Variants in CPED1 observed in about 807,000 individuals in gnomAD.
CPED1 encodes cadherin like and PC-esterase domain containing 1, also known as cadherin-like and PC-esterase domain-containing protein 1.
In CPED1, 114 loss-of-function variants were observed where a neutral mutation model predicts 128.2. The ratio of observed to expected loss-of-function variants is 0.89; its 90% CI spans 0.76 to 1.04. The LOEUF (loss-of-function observed/expected upper bound fraction) is 1.04, where lower values mean the gene tolerates loss of function less well. Ranked by LOEUF, CPED1 falls within the 50% of genes least tolerant of loss-of-function variation. The pLI, the probability that CPED1 is intolerant of heterozygous loss-of-function variation, is 0.00. For synonymous variants in CPED1, 462 were observed against 426.7 expected (o/e 1.08, Z -1.02); for missense variants, 1,211 against 1,207.1 (o/e 1.00, Z -0.05).
At chr7:121,223,863 G>A (rs1402931572) in intron 16 of CPED1, among the ~76,000 whole-genome samples, 1 of 150,010 alleles carries the variant, frequency 6.7e-6, no homozygotes, top group Non-Finnish European at 1.5e-5. Context: ...TTTTTTATTA[G>A]TCTTGCTAGC....
intron 22 of CPED1, among the ~76,000 whole-genome samples, chr7:121,272,978 A>T (rs891212647): frequency 2.0e-5 from 3 of 152,068 alleles, no homozygotes; most frequent in African/African-American, 7.2e-5. Context: ...TACTTTTGAA[A>T]GTCTTGTATA....
chr7:121,021,210 T>C (rs1792431190), intron 3 of CPED1, among the ~76,000 whole-genome samples: 1 of 151,954 alleles, frequency 6.6e-6, no homozygotes, highest in African/African-American at 2.4e-5. Flanking sequence ...ATATAGTTAA[T>C]AGAGCAAGAG....
rs780653938 is a variant in CPED1 at position 121,128,435 on chromosome 7, C to G, written c.1356C>G (p.Asn452Lys). Reference sequence around the variant, plus strand: ...AGTGTCTGTCCTTAGAAGAAATTAACTCAATTATGACTTTCATAAAGGAAC... The same window carrying G: ...AGTGTCTGTCCTTAGAAGAAATTAAGTCAATTATGACTTTCATAAAGGAAC... ...LNQCLSLEEI[N>K]SIMTFIKELG... Residue 452 changes from asparagine to lysine, a missense_variant, in exon 11 of 23, where the codon AAC becomes AAG. Asn to Lys is a moderately conservative substitution (Grantham distance 94). Transcript: ENST00000310396. The G allele has an allele frequency of 6.2e-7, 1 of 1,604,714 alleles. No homozygotes were observed. Among genetic ancestry groups the G allele is most frequent in the East Asian group, 2.2e-5 (1 of 44,756 alleles).
At chr7:121,223,991 T>A (rs186970376) in intron 16 of CPED1, among the ~76,000 whole-genome samples, 1 of 152,308 alleles carries the variant, frequency 6.6e-6, no homozygotes, top group East Asian at 1.9e-4. Context: ...TAGTTATTTC[T>A]TGCCTTCTGC....
At chr7:121,244,769 C>A (rs1798486317) in intron 18 of CPED1, among the ~76,000 whole-genome samples, 1 of 152,208 alleles carries the variant, frequency 6.6e-6, no homozygotes, top group Non-Finnish European at 1.5e-5. Flanking sequence ...AGACTCACTT[C>A]TAGAGCTTTC....
At chr7:121,110,611 T>A (rs1795086193) in intron 7 of CPED1, among the ~76,000 whole-genome samples, 1 of 152,072 alleles carries the variant, frequency 6.6e-6, no homozygotes, top group Non-Finnish European at 1.5e-5. Flanking sequence ...CCACTGACTG[T>A]GTAACATGTT....
chr7:121,234,022 A>T (rs1253440631), intron 16 of CPED1, among the ~76,000 whole-genome samples: 1 of 152,022 alleles, frequency 6.6e-6, no homozygotes, highest in Non-Finnish European at 1.5e-5. Context: ...GGAAAGGAAA[A>T]CTTTTCTAGA....
chr7:121,186,757 G>T (rs1020457646), intron 16 of CPED1, among the ~76,000 whole-genome samples: 22 of 152,070 alleles, frequency 1.4e-4, no homozygotes, highest in African/African-American at 4.8e-4. Flanking sequence ...TCAATAGCTG[G>T]ATTTCTTACC....
chr7:121,157,115 G>T (rs1284015349), intron 16 of CPED1, among the ~76,000 whole-genome samples: 1 of 152,144 alleles, frequency 6.6e-6, no homozygotes, highest in African/African-American at 2.4e-5. Context: ...TGGAGGATTG[G>T]CATTACTAAC....
intron 3 of CPED1, among the ~76,000 whole-genome samples, chr7:121,046,417 T>C (rs1166575602): frequency 6.6e-6 from 1 of 152,144 alleles, no homozygotes; most frequent in East Asian, 1.9e-4. Context: ...CGAGTAAATC[T>C]ATGAAAAACA....
intron 3 of CPED1, among the ~76,000 whole-genome samples, chr7:121,043,784 G>T (rs1288265145): frequency 6.6e-6 from 1 of 152,184 alleles, no homozygotes; most frequent in Non-Finnish European, 1.5e-5. Flanking sequence ...GGCTGAAATT[G>T]GAATTTTCTA....
At chr7:121,258,746 A>C (rs1270801640) in intron 18 of CPED1, among the ~76,000 whole-genome samples, 2 of 152,166 alleles carry the variant, frequency 1.3e-5, no homozygotes, top group East Asian at 3.9e-4. Flanking sequence ...TACGTACCTA[A>C]ATACACAGTT....
At chr7:121,206,593 A>G (rs962106151) in intron 16 of CPED1, among the ~76,000 whole-genome samples, 1 of 151,934 alleles carries the variant, frequency 6.6e-6, no homozygotes, top group African/African-American at 2.4e-5. Flanking sequence ...GTATATATCT[A>G]TCTAGCCTTT....
chr7:121,240,271 A>G (rs1798359998), intron 17 of CPED1, among the ~76,000 whole-genome samples: 1 of 152,180 alleles, frequency 6.6e-6, no homozygotes, highest in African/African-American at 2.4e-5. Flanking sequence ...CAAGTGGCCA[A>G]AGTGGGCCTC....
At chr7:120,992,911 T>C (rs907787784) in intron 2 of CPED1, among the ~76,000 whole-genome samples, 2 of 152,230 alleles carry the variant, frequency 1.3e-5, no homozygotes, top group African/African-American at 4.8e-5. Context: ...TCTGGTTCAA[T>C]GTGTAAAGCT....
In CPED1 at chr7:121,079,694, G is replaced by T. The variant is rs17143145; in HGVS notation, c.616+15381G>T. 4.1e-3 allele frequency among the ~76,000 whole-genome samples: 625 copies of T among 152,322 alleles called. 9 individuals are homozygous for T. Among genetic ancestry groups the T allele is most frequent in the Admixed American group, 0.022 (341 of 15,300 alleles). The stretch of plus-strand genomic sequence containing the variant: ...CTGACATCTCTGAAGTTGTGCAAAA[G>T]ACTGACTGGCTGAGAAAGCTGAATA... On this transcript the variant is annotated intron_variant, in intron 5 of 22. Coordinates refer to ENST00000310396, the MANE Select transcript of CPED1 (RefSeq NM_024913.5).
At chr7:121,248,947 A>G (rs1218631331) in intron 18 of CPED1, among the ~76,000 whole-genome samples, 2 of 152,230 alleles carry the variant, frequency 1.3e-5, no homozygotes, top group African/African-American at 2.4e-5. Flanking sequence ...ATGATTCAAG[A>G]GTTCAAAGAT....
chr7:121,125,823 C>T lies in CPED1; in HGVS notation c.1065C>T (p.Cys355=). ...GTACCTTGTGTTTTCATTTTAGATG[C>T]AGATTCTGCTTTCAACTTCTAACTT... ...STLGPKTFHR[C]RFCFQLLTFD... The change falls in exon 9 of 23, where the codon TGC becomes TGT. Residue 355 remains cysteine, a synonymous_variant. Transcript: ENST00000310396. 6.2e-7 allele frequency: 1 copy of T among 1,610,078 alleles called. No individual in the cohort carries two copies. The highest frequency in any genetic ancestry group is 1.1e-5 in the South Asian group (1 of 90,980).
intron 22 of CPED1, among the ~76,000 whole-genome samples, chr7:121,273,057 T>C (rs1291829818): frequency 6.6e-6 from 1 of 151,844 alleles, no homozygotes; most frequent in Non-Finnish European, 1.5e-5. Context: ...GAGATTCAGC[T>C]GAAACTGAGA....
Sources: gnomAD v4.1 joint callset for allele counts (sites outside exome capture counted in the v4.1 genomes callset) on GRCh38, gnomAD v4.1.1 for gene constraint, MANE v1.5 for transcripts, NCBI Gene and HGNC (gene_info 2026-07-23, HGNC 2026-07-21) for gene names.